CLNK: variants seen among roughly 807,000 people sequenced by gnomAD.
The protein encoded by CLNK is cytokine dependent hematopoietic cell linker, also known as cytokine-dependent hematopoietic cell linker.
A neutral mutation model predicts 68.6 loss-of-function variants in CLNK; 74 were observed. The ratio of observed to expected loss-of-function variants is 1.08; its 90% CI spans 0.89 to 1.31. CLNK has a LOEUF of 1.31. CLNK is among the 50% of genes most tolerant of loss of function. The probability of loss-of-function intolerance (pLI) is 0.00; values close to 1 mark genes in which losing one functional copy is unlikely to be tolerated. For missense variants in CLNK, 553 were observed against 515.3 expected (o/e 1.07, Z -0.71); for synonymous variants, 198 against 172.2 (o/e 1.15, Z -1.17).
intron 2 of CLNK, among the ~76,000 whole-genome samples, chr4:10,662,360 G>A (rs1362718060): frequency 1.3e-5 from 2 of 152,192 alleles, no homozygotes; most frequent in Non-Finnish European, 2.9e-5. Flanking sequence ...GAATATGGTG[G>A]ATTTTAGAAA....
the CLNK span, among the ~76,000 whole-genome samples, chr4:10,719,392 T>A: frequency 6.6e-6 from 1 of 151,970 alleles, no homozygotes; most frequent in Admixed American, 6.5e-5. Flanking sequence ...TTACAAAGAT[T>A]AATCAAAAGA....
chr4:10,504,028 A>C, intron 17 of CLNK, among the ~76,000 whole-genome samples: 1 of 147,930 alleles, frequency 6.8e-6, no homozygotes, highest in African/African-American at 2.5e-5. Flanking sequence ...TGATCTGTCC[A>C]CCTCAGCCGC....
At chr4:10,610,057 T>G (rs1441905026) in intron 2 of CLNK, among the ~76,000 whole-genome samples, 3 of 121,736 alleles carry the variant, frequency 2.5e-5, no homozygotes, top group East Asian at 2.4e-4. Flanking sequence ...TTTTTTTTTT[T>G]TTTTTTTTTT....
intron 2 of CLNK, among the ~76,000 whole-genome samples, chr4:10,610,510 A>T (rs1003963545): frequency 6.6e-6 from 1 of 152,040 alleles, no homozygotes; most frequent in African/African-American, 2.4e-5. Flanking sequence ...TTAAATTTTG[A>T]TTCAGCAAGA....
intron 2 of CLNK, among the ~76,000 whole-genome samples, chr4:10,615,669 G>C (rs1270894736): frequency 6.6e-6 from 1 of 152,226 alleles, no homozygotes; most frequent in African/African-American, 2.4e-5. Context: ...CATAGTTTCT[G>C]AGTAAGTATG....
intron 14 of CLNK, among the ~76,000 whole-genome samples, chr4:10,522,139 T>C (rs1718097806): frequency 6.6e-6 from 1 of 151,418 alleles, no homozygotes; most frequent in African/African-American, 2.4e-5. Flanking sequence ...GCACCTGTAG[T>C]CCCAGCCACT....
chr4:10,723,919 A>AGACAG, the CLNK span, among the ~76,000 whole-genome samples: 1 of 148,030 alleles, frequency 6.8e-6, no homozygotes, highest in African/African-American at 2.5e-5. Context: ...AGAGAGAGAG[A>AGACAG]AGGCAGGGCA....
At chr4:10,620,092 A>G (rs933852685) in intron 2 of CLNK, among the ~76,000 whole-genome samples, 1 of 152,168 alleles carries the variant, frequency 6.6e-6, no homozygotes. Context: ...AATTCTGCGC[A>G]TCAAGAAAAG....
At chr4:10,513,055 G>A (rs1717664188) in intron 16 of CLNK, among the ~76,000 whole-genome samples, 1 of 152,054 alleles carries the variant, frequency 6.6e-6, no homozygotes, top group South Asian at 2.1e-4. Context: ...TCAACTAATG[G>A]TCGCTGGACT....
chr4:10,604,338 T>C lies in CLNK; in HGVS notation c.12-6289A>G, dbSNP rs574064432. ...TCTAGAACTGTAGCCAAGTGATCGA[T>C]GTCCATTTTGTTCATTCCATTTGAT... On this transcript the variant is annotated intron_variant, in intron 2 of 18. Transcript: ENST00000226951. 2.0e-5 allele frequency among the ~76,000 whole-genome samples: 3 copies of C among 152,362 alleles called. No individual in the cohort carries two copies. In the South Asian group the frequency reaches 6.2e-4, roughly 32 times the overall value.
At chr4:10,708,771 A>G in the CLNK span, among the ~76,000 whole-genome samples, 1 of 152,322 alleles carries the variant, frequency 6.6e-6, no homozygotes, top group East Asian at 1.9e-4. Context: ...TTTGCAAGAC[A>G]TTAGAGGACG....
Position 10,486,785 on chromosome 4 carries a change from A to T in CLNK, c.*3682T>A, listed in dbSNP as rs1284566190. On this transcript the variant is annotated 3_prime_UTR_variant, in exon 19 of 19. Transcript: ENST00000226951. ...AAAGCCATCTCAAAGGAGCTTCCTC[A>T]AAACATTTAATGTTGGCATCACCCC... is the stretch of plus-strand genomic sequence containing the variant. The T allele has an allele frequency of 3.3e-5, 5 of 152,230 alleles. No individual in the cohort carries two copies. The highest frequency in any genetic ancestry group is 9.6e-5 in the African/African-American group (4 of 41,460). The allele number at this position is 152,230 out of a possible 1,614,324, so 9.4% of individuals were successfully genotyped here.
At chr4:10,608,905 T>C (rs1388285217) in intron 2 of CLNK, among the ~76,000 whole-genome samples, 2 of 152,220 alleles carry the variant, frequency 1.3e-5, no homozygotes. Context: ...CAGAGAGCTG[T>C]TTCCCTGTGG....
intron 15 of CLNK, among the ~76,000 whole-genome samples, chr4:10,514,927 A>G (rs1033578192): frequency 1.3e-5 from 2 of 152,186 alleles, no homozygotes; most frequent in African/African-American, 4.8e-5. Context: ...AAACAATCCC[A>G]GAGTCATCTT....
intron 1 of CLNK, among the ~76,000 whole-genome samples, chr4:10,669,566 G>A (rs1362779513): frequency 1.3e-5 from 2 of 152,126 alleles, no homozygotes; most frequent in African/African-American, 2.4e-5. Context: ...CTGGGATGTT[G>A]GTAGTACATG....
chr4:10,728,188 T>C, the CLNK span, among the ~76,000 whole-genome samples: 77 of 152,272 alleles, frequency 5.1e-4, no homozygotes, highest in African/African-American at 1.7e-3. Context: ...CAAAGAATTA[T>C]CCAGCCCTGA....
In CLNK at chr4:10,566,114, C is replaced by T; in HGVS notation, c.187G>A (p.Gly63Ser). The T allele has an allele frequency of 6.2e-7, 1 of 1,613,880 alleles. No individual in the cohort carries two copies. Among genetic ancestry groups the T allele is most frequent in the Non-Finnish European group, 8.5e-7 (1 of 1,179,836 alleles). ...NFAAVLDGAK[G>S]HSDDDYDDPE... Reference sequence around the variant, plus strand: ...TCATCATAGTCATCATCACTGTGGCCTTTTGCTCCATCCAGGACTGCAGCA... The same window carrying T: ...TCATCATAGTCATCATCACTGTGGCTTTTTGCTCCATCCAGGACTGCAGCA... Residue 63 changes from glycine to serine, a missense_variant, in exon 6 of 19, where the codon GGC becomes AGC. Physicochemically the swap from Gly to Ser is moderately conservative, Grantham distance 56. Transcript: ENST00000226951.
At chr4:10,635,842 A>C (rs942406794) in intron 2 of CLNK, 20 of 152,168 alleles carry the variant, frequency 1.3e-4, no homozygotes, top group African/African-American at 4.1e-4. Context: ...TGTCTCCAAA[A>C]TCCGTGTTCT....
At chr4:10,664,975 A>C (rs1169645802) in intron 2 of CLNK, among the ~76,000 whole-genome samples, 6 of 152,234 alleles carry the variant, frequency 3.9e-5, no homozygotes, top group Non-Finnish European at 1.5e-5. Context: ...CTGAGGGTGC[A>C]CAAGAGGAAA....
Sources: gnomAD v4.1 joint callset for allele counts (sites outside exome capture counted in the v4.1 genomes callset) on GRCh38, gnomAD v4.1.1 for gene constraint, MANE v1.5 for transcripts, NCBI Gene and HGNC (gene_info 2026-07-23, HGNC 2026-07-21) for gene names.